The following SPATA33 variants were observed in gnomAD, a reference collection of about 807,000 sequenced individuals.
SPATA33 encodes the protein spermatogenesis-associated protein 33.
Under a neutral mutation model 8.9 loss-of-function variants are expected in SPATA33, and 10 were observed. That is an observed-to-expected ratio of 1.12 (90% CI 0.69 to 1.90). SPATA33 has a LOEUF of 1.90. Among genes scored for constraint, SPATA33 ranks in the 40% most tolerant of loss-of-function variants. The pLI, the probability that SPATA33 is intolerant of heterozygous loss-of-function variation, is 0.00. For synonymous variants in SPATA33, 96 were observed against 72.8 expected (o/e 1.32, Z -1.63); for missense variants, 241 against 178.3 (o/e 1.35, Z -2.00).
At position 89,669,599 on chromosome 16, in the gene SPATA33, G is replaced by C. The variant is rs551422254; in HGVS notation, c.*102G>C. ...CGAGGCCCCTTCTCCAGTGCTCTCG[G>C]GGAGGTTGCACCAGGCCCACCCCAC... On this transcript the variant is annotated 3_prime_UTR_variant, in exon 3 of 3. Transcript: ENST00000579310. 1.6e-5 allele frequency: 20 copies of C among 1,239,344 alleles called. No homozygotes were observed. The South Asian group carries it at 2.6e-4, about 16-fold the overall frequency. 76.8% of individuals were successfully genotyped at this position (1,239,344 alleles called of 1,614,324 possible).
chr16:89,666,893 C>T (rs895927055), intron 2 of SPATA33, among the ~76,000 whole-genome samples: 41 of 152,314 alleles, frequency 2.7e-4, no homozygotes, highest in African/African-American at 9.4e-4. Context: ...AGTACTTTCA[C>T]TAATTTGCTA....
upstream of SPATA33, chr16:89,657,831 C>CT (rs973366483): frequency 4.7e-5 from 71 of 1,513,398 alleles, no homozygotes; most frequent in Non-Finnish European, 6.0e-5. Flanking sequence ...GCGCGAGGAC[C>CT]TTTTGTGAGT....
At chr16:89,660,388 G>A in intron 2 of SPATA33, 2 of 1,029,032 alleles carry the variant, frequency 1.9e-6, no homozygotes, top group East Asian at 3.3e-5. Flanking sequence ...TAACGGAAGT[G>A]GGGGAAGGAG....
At chr16:89,660,968 C>T (rs1348668440) in intron 2 of SPATA33, 3 of 1,005,090 alleles carry the variant, frequency 3.0e-6, no homozygotes, top group Admixed American at 1.2e-4. Flanking sequence ...TGTCCAGCCC[C>T]AAGAGCTTCC....
At chr16:89,658,757 C>G (rs2059922775) in intron 2 of SPATA33, 2 of 359,656 alleles carry the variant, frequency 5.6e-6, no homozygotes, top group Non-Finnish European at 1.1e-5. Flanking sequence ...CCTCCGCACA[C>G]TGGAACAGAG....
Position 89,669,367 on chromosome 16 carries a change from C to T in SPATA33, c.293C>T (p.Thr98Met), listed in dbSNP as rs147495310. Residue 98 changes from threonine (T) to methionine (M), a missense_variant, in exon 3 of 3, where the codon ACG becomes ATG. Coordinates refer to ENST00000579310, the MANE Select transcript of SPATA33 (RefSeq NM_001271907.2). ...ATCATCACGCGAGCGTCGAATGAGA[C>T]GCTAGTCAGTTGCAGTTCCAGCGGG... ...QIIITRASNE[T>M]LVSCSSSGSD... 4.2e-5 allele frequency: 67 copies of T among 1,614,048 alleles called. No individual in the cohort carries two copies. In the African/African-American group the frequency reaches 5.7e-4, roughly 14 times the overall value.
intron 2 of SPATA33, chr16:89,660,848 G>C: frequency 8.7e-7 from 1 of 1,149,134 alleles, no homozygotes; most frequent in African/African-American, 1.6e-5. Context: ...AGCCCTTCCA[G>C]CCCAGGAGCC....
chr16:89,667,381 C>T (rs998462299), intron 2 of SPATA33, among the ~76,000 whole-genome samples: 20 of 152,158 alleles, frequency 1.3e-4, no homozygotes, highest in African/African-American at 4.3e-4. Context: ...AGAGTAATTG[C>T]TACAAATTAA....
chr16:89,663,212 A>C (rs2059985781), intron 2 of SPATA33, among the ~76,000 whole-genome samples: 1 of 151,630 alleles, frequency 6.6e-6, no homozygotes, highest in Non-Finnish European at 1.5e-5. Context: ...AGCCAATCCC[A>C]GAAGGTCACA....
chr16:89,660,240 C>T, intron 2 of SPATA33: 1 of 326,466 alleles, frequency 3.1e-6, no homozygotes, highest in African/African-American at 2.1e-5. Flanking sequence ...AGGCATTGCT[C>T]CTTGCTTCAT....
intron 2 of SPATA33, among the ~76,000 whole-genome samples, chr16:89,664,001 C>T (rs1415489562): frequency 2.0e-5 from 3 of 151,940 alleles, no homozygotes; most frequent in Admixed American, 1.3e-4. Flanking sequence ...TGCCTGTAGC[C>T]CCAACTAATC....
At chr16:89,661,052 G>A (rs1052141348) in intron 2 of SPATA33, 4 of 987,460 alleles carry the variant, frequency 4.1e-6, no homozygotes, top group African/African-American at 1.7e-5. Context: ...CCTGCCAAAC[G>A]TGTCCTGAAC....
chr16:89,669,330 G>A lies in SPATA33; in HGVS notation c.256G>A (p.Val86Ile), dbSNP rs1485832799. ...AAAGTCCAGCAGGAAGAAAGTGGTC[G>A]TTCCACAGATCATCATCACGCGAGC... Reference protein sequence around the residue: ...KQKSSRKKVVVPQIIITRASN... With the variant: ...KQKSSRKKVVIPQIIITRASN... Residue 86 changes from valine (V) to isoleucine (I), a missense_variant, in exon 3 of 3, where the codon GTT becomes ATT. Val to Ile is a conservative substitution (Grantham distance 29). Transcript: ENST00000579310. 6.2e-6 allele frequency: 10 copies of A among 1,614,060 alleles called. No homozygotes were observed. The highest frequency in any genetic ancestry group is 2.2e-5 in the East Asian group (1 of 44,892).
intron 2 of SPATA33, among the ~76,000 whole-genome samples, chr16:89,662,250 T>C: frequency 6.8e-6 from 1 of 147,980 alleles, no homozygotes; most frequent in Non-Finnish European, 1.5e-5. Flanking sequence ...GCCACGATCA[T>C]CCCACTGCAC....
chr16:89,667,824 G>A (rs1597808274), intron 2 of SPATA33, among the ~76,000 whole-genome samples: 1 of 152,318 alleles, frequency 6.6e-6, no homozygotes, highest in South Asian at 2.1e-4. Context: ...TGGCCTCTCT[G>A]CCTCCCCCAT....
chr16:89,658,013 C>T (rs1329408950), intron 1 of SPATA33, 65 bp downstream of exon 1: 1 of 1,488,844 alleles, frequency 6.7e-7, no homozygotes, highest in Non-Finnish European at 8.8e-7. Flanking sequence ...CAGGGCGGGG[C>T]TGGGCTGGGC....
intron 2 of SPATA33, chr16:89,660,123 C>T (rs954199131): frequency 5.8e-6 from 1 of 172,056 alleles, no homozygotes; most frequent in Admixed American, 6.3e-5. Context: ...GTTAGCACAA[C>T]AGTGACATCA....
intron 2 of SPATA33, among the ~76,000 whole-genome samples, chr16:89,663,330 G>A (rs258329): frequency 0.75 from 112,702 of 150,248 alleles, 43,787 homozygotes; most frequent in Middle Eastern, 0.86. Flanking sequence ...ATTCTACCTC[G>A]GCCTCCGGAG....
At position 89,669,737 on chromosome 16, in the gene SPATA33, A is replaced by G; in HGVS notation, c.*240A>G. ...TCTCCAGTGCTCTCAGGGAGGGTGCACCAGGCCTGCCCCCGCCGTGAGAAA... is the reference window on the plus strand; with the variant it reads ...TCTCCAGTGCTCTCAGGGAGGGTGCGCCAGGCCTGCCCCCGCCGTGAGAAA... On this transcript the variant is annotated 3_prime_UTR_variant, in exon 3 of 3. Transcript: ENST00000579310. 1 of 497,560 alleles carries G rather than the reference A, an allele frequency of 2.0e-6. No homozygotes were observed. The allele number at this position is 497,560 out of a possible 1,614,324, so 30.8% of individuals were successfully genotyped here. A position where few individuals can be genotyped will look rare whatever the true frequency, so the allele number is the denominator to read the frequency against.
Sources: gnomAD v4.1 joint callset for allele counts (sites outside exome capture counted in the v4.1 genomes callset) on GRCh38, gnomAD v4.1.1 for gene constraint, MANE v1.5 for transcripts, NCBI Gene and HGNC (gene_info 2026-07-23, HGNC 2026-07-21) for gene names.